ZNF91: variants seen among roughly 807,000 people sequenced by gnomAD.
ZNF91 encodes the protein zinc finger protein 91 (HPF7, HTF10).
Under a neutral mutation model 12.6 loss-of-function variants are expected in ZNF91, and 7 were observed. The observed-to-expected ratio is 0.55, with a 90% CI of 0.31 to 1.04. ZNF91 has a LOEUF of 1.04. ZNF91 is among the 50% of genes least tolerant of loss of function. The pLI is 0.05. For missense variants in ZNF91, 1,217 were observed against 1,385.4 expected (o/e 0.88, Z 1.93); for synonymous variants, 453 against 462.6 (o/e 0.98, Z 0.27).
At chr19:23,323,869 C>T (rs1265520954) in intron 1 of ZNF91, 3 of 76,294 alleles carry the variant, frequency 3.9e-5, no homozygotes, top group Non-Finnish European at 8.1e-5. Flanking sequence ...TTCTTCTCCT[C>T]TTCGTTTCCT....
At chr19:23,344,788 G>C (rs1458842035) in intron 3 of ZNF91, among the ~76,000 whole-genome samples, 1 of 152,174 alleles carries the variant, frequency 6.6e-6, no homozygotes, top group Non-Finnish European at 1.5e-5. Context: ...CACAGGCCTA[G>C]TCCAAAGGCA....
downstream of ZNF91, among the ~76,000 whole-genome samples, chr19:23,353,738 C>A (rs1210486519): frequency 6.6e-6 from 1 of 152,002 alleles, no homozygotes; most frequent in Non-Finnish European, 1.5e-5. Context: ...ATCCAAATAA[C>A]CTCACTGAGA....
chr19:23,350,909 A>G (rs1270214140), intron 3 of ZNF91, among the ~76,000 whole-genome samples: 2 of 152,092 alleles, frequency 1.3e-5, no homozygotes, highest in Non-Finnish European at 2.9e-5. Context: ...CTGCACCGAG[A>G]TGCTCATTAA....
At chr19:23,375,261 G>A (rs1004555211) in intron 1 of ZNF91, among the ~76,000 whole-genome samples, 11 of 151,864 alleles carry the variant, frequency 7.2e-5, no homozygotes, top group South Asian at 2.1e-4. Context: ...CCCGGGTTCC[G>A]TGATTCTCCT....
chr19:23,360,866 T>C lies in ZNF91; in HGVS notation c.2113A>G (p.Lys705Glu). 6.2e-7 allele frequency: 1 copy of C among 1,613,882 alleles called. No homozygotes were observed. Among genetic ancestry groups the C allele is most frequent in the Non-Finnish European group, 8.5e-7 (1 of 1,179,846 alleles). Residue 705 changes from lysine to glutamate, a missense_variant, in exon 4 of 4, where the codon AAA (lysine) becomes GAA (glutamate). Coordinates refer to ENST00000300619, the MANE Select transcript of ZNF91 (RefSeq NM_003430.4). Reference sequence around the variant, plus strand: ...AGTTTCTCTCCAGCATGTATTATTTTATGTTTAGTAAGGGTTGAGAGTCGC... The same window carrying C: ...AGTTTCTCTCCAGCATGTATTATTTCATGTTTAGTAAGGGTTGAGAGTCGC... The part of the protein sequence containing the change: ...FKRLSTLTKH[K>E]IIHAGEKLYK...
At chr19:23,353,996 A>T (rs1968428009), downstream of ZNF91, among the ~76,000 whole-genome samples, 1 of 152,186 alleles carries the variant, frequency 6.6e-6, no homozygotes, top group Non-Finnish European at 1.5e-5. Flanking sequence ...ATGGATTCAC[A>T]GCAGAATTCT....
chr19:23,379,359 TAC>T (rs775819736), intron 1 of ZNF91, among the ~76,000 whole-genome samples: 1 of 152,228 alleles, frequency 6.6e-6, no homozygotes, highest in Non-Finnish European at 1.5e-5. Flanking sequence ...CTGGTAATTC[TAC>T]ACAGTGTTTG....
chr19:23,346,670 C>T (rs1168481940), intron 3 of ZNF91, among the ~76,000 whole-genome samples: 1 of 152,010 alleles, frequency 6.6e-6, no homozygotes, highest in Non-Finnish European at 1.5e-5. Flanking sequence ...AAGGGACCCA[C>T]CCTCCAGGTT....
At chr19:23,319,437 G>A (rs963876693) in intron 1 of ZNF91, among the ~76,000 whole-genome samples, 1 of 152,104 alleles carries the variant, frequency 6.6e-6, no homozygotes, top group African/African-American at 2.4e-5. Flanking sequence ...ATATCTTTTG[G>A]CCCAGCACCT....
intron 1 of ZNF91, chr19:23,329,206 G>A (rs1035650976): frequency 1.3e-5 from 2 of 152,206 alleles, no homozygotes; most frequent in African/African-American, 4.8e-5. Flanking sequence ...ATTTTCAGAT[G>A]AGATGTACAC....
At chr19:23,390,650 G>A (rs140777654) in intron 1 of ZNF91, among the ~76,000 whole-genome samples, 33 of 152,282 alleles carry the variant, frequency 2.2e-4, no homozygotes, top group African/African-American at 7.7e-4. Flanking sequence ...GAGCCATCGT[G>A]GTGGGCCAAG....
At chr19:23,319,487 T>C (rs1267845994) in intron 1 of ZNF91, among the ~76,000 whole-genome samples, 5 of 152,244 alleles carry the variant, frequency 3.3e-5, no homozygotes, top group Non-Finnish European at 7.3e-5. Context: ...CCCAAATATT[T>C]GGTGTATTGT....
chr19:23,375,409 T>C (rs1969470857), intron 1 of ZNF91, among the ~76,000 whole-genome samples: 1 of 152,164 alleles, frequency 6.6e-6, no homozygotes, highest in Non-Finnish European at 1.5e-5. Flanking sequence ...TCCTCCCGCC[T>C]CGGCCTCCCA....
intron 3 of ZNF91, among the ~76,000 whole-genome samples, chr19:23,346,824 G>A (rs548237919): frequency 3.3e-5 from 5 of 152,186 alleles, no homozygotes; most frequent in African/African-American, 7.2e-5. Context: ...AATCCATAAC[G>A]TCAAAGAAAG....
intron 1 of ZNF91, among the ~76,000 whole-genome samples, chr19:23,330,355 A>C (rs1376966475): frequency 6.6e-6 from 1 of 151,924 alleles, no homozygotes; most frequent in Non-Finnish European, 1.5e-5. Flanking sequence ...AAAAGAAAGA[A>C]AGTCTTCTAA....
rs936213404 is a variant in ZNF91, at chr19:23,360,400, C to T, written c.2579G>A (p.Gly860Asp). 5 of 1,613,950 alleles carry T rather than the reference C, an allele frequency of 3.1e-6. No homozygotes were observed. The African/African-American group carries it at 4.0e-5, about 13-fold the overall frequency. The change falls in exon 4 of 4, where the codon GGC becomes GAC. Residue 860 changes from glycine to aspartate, a missense_variant. Around this residue, in one of 2 missense-constraint regions of ZNF91, gnomAD observed 491 missense variants for 489.8 expected, o/e 1.00. Coordinates refer to ENST00000300619, the MANE Select transcript of ZNF91 (RefSeq NM_003430.4). ...ATTTGAAGATTGATTAAAAGCTTTG[C>T]CACATTCCTCACATTTGTAGAGTTT... ...GEKLYKCEEC[G>D]KAFNQSSNLT...
chr19:23,384,963 C>T (rs979379039), intron 1 of ZNF91: 9 of 951,366 alleles, frequency 9.5e-6, no homozygotes, highest in African/African-American at 8.0e-5. Flanking sequence ...GGCTTAGCTG[C>T]GAGCCCGTCA....
intron 3 of ZNF91, among the ~76,000 whole-genome samples, chr19:23,369,480 C>T (rs1969179313): frequency 6.6e-6 from 1 of 152,022 alleles, no homozygotes; most frequent in East Asian, 1.9e-4. Flanking sequence ...GCCCCTCTGC[C>T]CGGCCACCAC....
intron 1 of ZNF91, among the ~76,000 whole-genome samples, chr19:23,323,038 T>C (rs1438513496): frequency 2.0e-5 from 1 of 49,290 alleles, no homozygotes; most frequent in African/African-American, 8.5e-5. Context: ...TCCTTTCTCC[T>C]TTTTGTTTCC....
Sources: allele counts gnomAD v4.1 joint callset (sites outside exome capture counted in the v4.1 genomes callset), GRCh38; gene constraint gnomAD v4.1.1; regional missense constraint gnomAD v4.1.1; transcripts MANE v1.5; gene names NCBI Gene and HGNC (gene_info 2026-07-23, HGNC 2026-07-21).